Variants in FKBP5 observed in about 807,000 individuals in gnomAD.
The protein encoded by FKBP5 is FKBP prolyl isomerase 5.
In FKBP5, 23 loss-of-function variants were observed where a neutral mutation model predicts 50.5. The ratio of observed to expected loss-of-function variants is 0.46; its 90% confidence interval spans 0.33 to 0.65. FKBP5 has a LOEUF of 0.65. FKBP5 is among the 30% of genes least tolerant of loss of function. FKBP5 has a pLI of 0.02. For missense variants in FKBP5, 411 were observed against 553.1 expected (o/e 0.74, Z 2.58); for synonymous variants, 176 against 190.6 (o/e 0.92, Z 0.63).
At chr6:35,594,450 G>A (rs1424696710) in intron 6 of FKBP5, among the ~76,000 whole-genome samples, 1 of 152,148 alleles carries the variant, frequency 6.6e-6, no homozygotes, top group Non-Finnish European at 1.5e-5. Context: ...ATGAAATACA[G>A]ATGACACTAA....
chr6:35,716,866 G>T (rs2151023495), intron 2 of FKBP5, among the ~76,000 whole-genome samples: 1 of 152,314 alleles, frequency 6.6e-6, no homozygotes, highest in South Asian at 2.1e-4. Context: ...CCTTGGGATT[G>T]AGCCCTCTTC....
intron 1 of FKBP5, among the ~76,000 whole-genome samples, chr6:35,726,862 G>A (rs1019072933): frequency 6.6e-6 from 1 of 152,206 alleles, no homozygotes; most frequent in Admixed American, 6.5e-5. Context: ...GGGCAGTGGA[G>A]GAGAGGGCTC....
chr6:35,609,541 C>T (rs1045200157), intron 5 of FKBP5, among the ~76,000 whole-genome samples: 3 of 152,238 alleles, frequency 2.0e-5, no homozygotes, highest in Admixed American at 6.5e-5. Context: ...CTGGGTACCA[C>T]TATCAACTGG....
chr6:35,602,403 G>T (rs1451013895), intron 5 of FKBP5, among the ~76,000 whole-genome samples: 1 of 151,952 alleles, frequency 6.6e-6, no homozygotes, highest in African/African-American at 2.4e-5. Flanking sequence ...ACAATTACTG[G>T]GTCATGAGGA....
chr6:35,713,102 AAGAAG>A (rs1766443744), intron 2 of FKBP5, among the ~76,000 whole-genome samples: 1 of 144,538 alleles, frequency 6.9e-6, no homozygotes, highest in African/African-American at 2.5e-5. Context: ...AAAAAAAAAA[AAGAAG>A]AAGAAGAAAG....
At chr6:35,617,695 G>A (rs1039411580) in intron 5 of FKBP5, among the ~76,000 whole-genome samples, 1 of 152,050 alleles carries the variant, frequency 6.6e-6, no homozygotes, top group South Asian at 2.1e-4. Flanking sequence ...TGTGTGTCAC[G>A]CACTGCAGGA....
chr6:35,677,320 G>A (rs955740643), intron 1 of FKBP5, among the ~76,000 whole-genome samples: 8 of 152,038 alleles, frequency 5.3e-5, no homozygotes, highest in African/African-American at 9.7e-5. Context: ...TGATCCGCCC[G>A]CCTCGGCCTC....
intron 9 of FKBP5, 75 bp downstream of exon 9, chr6:35,579,959 TGA>T: frequency 1.8e-6 from 2 of 1,138,536 alleles, no homozygotes; most frequent in African/African-American, 1.6e-5. Context: ...AACCTTTGGC[TGA>T]GAGGAAGCAA....
intron 2 of FKBP5, among the ~76,000 whole-genome samples, chr6:35,640,699 T>C (rs1285693372): frequency 6.6e-6 from 1 of 152,198 alleles, no homozygotes; most frequent in Non-Finnish European, 1.5e-5. Flanking sequence ...TACAAAAATA[T>C]TTTCTTTCTT....
intron 2 of FKBP5, among the ~76,000 whole-genome samples, chr6:35,705,230 ATATATATATATATATATATATATATATAT>A (rs1561903531): frequency 6.0e-4 from 2 of 3,342 alleles, no homozygotes; most frequent in East Asian, 4.5e-3. Flanking sequence ...ATATATATAT[ATATATATATATATATATATATATATATAT>A]TTTTTTTTTT....
chr6:35,667,007 TTGTGTGTGTGTCTGTGTGTGTG>T (rs1339196483), intron 1 of FKBP5, among the ~76,000 whole-genome samples: 1 of 130,550 alleles, frequency 7.7e-6, no homozygotes, highest in African/African-American at 2.9e-5. Flanking sequence ...TTCACTTGTT[TTGTGTGTGTGTCTGTGTGTGTG>T]TGTGTGTGTG....
Position 35,633,365 on chromosome 6 carries a change from A to G in FKBP5, c.250+3649T>C, listed in dbSNP as rs1410181783. 2.6e-5 allele frequency among the ~76,000 whole-genome samples: 4 copies of G among 152,070 alleles called. No homozygotes were observed. The East Asian group carries it at 7.7e-4, about 29-fold the overall frequency. On this transcript the variant is annotated intron_variant, in intron 3 of 10. Transcript: ENST00000357266. ...CGAGACCACCCTGGGCAACATGGTG[A>G]AACCCTGTCTCTACTAAAACACAAA...
chr6:35,626,813 T>C lies in FKBP5; in HGVS notation c.251-6539A>G, dbSNP rs149379406. On this transcript the variant is annotated intron_variant, in intron 3 of 10. Transcript: ENST00000357266. The stretch of plus-strand genomic sequence containing the variant: ...GTCCATGTTGTAGCATCTGCCAGAA[T>C]TTTTCTTTAAAACGTAAATATTCCA... Among the ~76,000 whole-genome samples the C allele has an allele frequency of 4.3e-4, 65 of 152,348 alleles. 1 individual carries two copies. The East Asian group carries it at 0.013, about 29-fold the overall frequency.
chr6:35,690,633 A>G (rs1248502238), upstream of FKBP5, among the ~76,000 whole-genome samples: 1 of 152,220 alleles, frequency 6.6e-6, no homozygotes, highest in Non-Finnish European at 1.5e-5. Context: ...GTATTTGTTC[A>G]TTAACGCAGA....
intron 1 of FKBP5, among the ~76,000 whole-genome samples, chr6:35,652,520 G>C (rs185551141): frequency 6.6e-6 from 1 of 152,158 alleles, no homozygotes; most frequent in Non-Finnish European, 1.5e-5. Context: ...TCTTATGGTC[G>C]AGATTGCAGA....
At chr6:35,672,579 A>C (rs1581871371) in intron 1 of FKBP5, among the ~76,000 whole-genome samples, 1 of 151,958 alleles carries the variant, frequency 6.6e-6, no homozygotes, top group East Asian at 1.9e-4. Flanking sequence ...AATACACAAC[A>C]TGAAAAGCTT....
At chr6:35,594,499 T>C (rs1003838222) in intron 6 of FKBP5, among the ~76,000 whole-genome samples, 3 of 152,154 alleles carry the variant, frequency 2.0e-5, no homozygotes, top group Non-Finnish European at 2.9e-5. Context: ...GCCATACTTA[T>C]AGCAACATTT....
chr6:35,615,149 A>AC (rs1364253712), intron 5 of FKBP5, among the ~76,000 whole-genome samples: 2 of 93,812 alleles, frequency 2.1e-5, no homozygotes, highest in Admixed American at 1.3e-4. Context: ...CAACAACAAC[A>AC]ACAACTACAC....
Position 35,661,627 on chromosome 6 carries a change from C to T in FKBP5, c.-19-18784G>A, listed in dbSNP as rs1463913788. ...CTCCACTAAAAATACAAAAATTAGC[C>T]GGGTGTGGTGGCAAGTGCCTGTAAT... On this transcript the variant is annotated intron_variant, in intron 1 of 10. Transcript: ENST00000357266. Among the ~76,000 whole-genome samples the T allele has an allele frequency of 7.5e-5, 6 of 79,694 alleles. 3 individuals carry two copies. The highest frequency in any genetic ancestry group is 1.1e-4 in the Non-Finnish European group (4 of 35,218). 52.3% of individuals were successfully genotyped at this position (79,694 alleles called of 152,430 possible). A position where few individuals can be genotyped will look rare whatever the true frequency, so the allele number is the denominator to read the frequency against.
Sources: gnomAD v4.1 joint callset for allele counts (sites outside exome capture counted in the v4.1 genomes callset) on GRCh38, gnomAD v4.1.1 for gene constraint, MANE v1.5 for transcripts, NCBI Gene and HGNC (gene_info 2026-07-23, HGNC 2026-07-21) for gene names.